The following APP variants were observed in gnomAD, a reference collection of about 807,000 sequenced individuals.
APP encodes amyloid beta precursor protein, also known as amyloid-beta precursor protein.
A neutral mutation model predicts 101.4 loss-of-function variants in APP; 31 were observed. The ratio of observed to expected loss-of-function variants is 0.31; its 90% CI spans 0.23 to 0.41. APP has a LOEUF of 0.41. Ranked by LOEUF, APP falls within the 10% of genes least tolerant of loss-of-function variation. APP has a pLI of 1.00. For missense variants in APP, 839 were observed against 1,003.7 expected, an observed-to-expected ratio of 0.84 and a Z score of 2.22; for synonymous variants, 366 against 364.4, an observed-to-expected ratio of 1.00 and a Z score of -0.05.
At chr21:26,169,214 A>C (rs1413607172) in intron 1 of APP, 1 of 152,290 alleles carries the variant, frequency 6.6e-6, no homozygotes, top group African/African-American at 2.4e-5. Context: ...GACTTGTTAT[A>C]CACCTAGTGG....
intron 13 of APP, among the ~76,000 whole-genome samples, chr21:25,915,353 T>C (rs2039302358): frequency 6.6e-6 from 1 of 152,230 alleles, no homozygotes; most frequent in Admixed American, 6.5e-5. Context: ...CAGGCATTAT[T>C]AATCTGATGG....
At chr21:26,075,720 C>G (rs1035908238) in intron 3 of APP, among the ~76,000 whole-genome samples, 18 of 152,106 alleles carry the variant, frequency 1.2e-4, no homozygotes, top group African/African-American at 4.8e-5. Context: ...TTCTGGACAT[C>G]GAATAAGAGA....
At chr21:25,954,429 T>C (rs1248903374) in intron 13 of APP, among the ~76,000 whole-genome samples, 161 bp downstream of exon 13, 2 of 152,216 alleles carry the variant, frequency 1.3e-5, no homozygotes, top group African/African-American at 4.8e-5. Flanking sequence ...ACTGATTCAA[T>C]TGCTAAGGCT....
intron 1 of APP, among the ~76,000 whole-genome samples, chr21:26,152,284 C>CAAAAAAAAAAAAAAAAAAAA (rs1161739630): frequency 1.9e-4 from 7 of 36,178 alleles, no homozygotes; most frequent in East Asian, 2.1e-3. Flanking sequence ...GACTCCATCT[C>CAAAAAAAAAAAAAAAAAAAA]AAAAAAAAAA....
intron 9 of APP, among the ~76,000 whole-genome samples, chr21:25,979,690 T>C (rs1157077133): frequency 2.6e-5 from 4 of 152,140 alleles, no homozygotes; most frequent in African/African-American, 7.2e-5. Context: ...AGTTAAATTA[T>C]TATTTTAAAG....
Position 25,901,878 on chromosome 21 carries a change from G to C in APP, c.1963+3146C>G, listed in dbSNP as rs543365959. ...CCTTTATTTGGACTGCAGAAGGGTG[G>C]TGATGAATTGTAACAGAAAGGGTAG... On this transcript the variant is annotated intron_variant, in intron 15 of 17. Transcript: ENST00000346798. Among the ~76,000 whole-genome samples the C allele has an allele frequency of 4.6e-5, 7 of 152,296 alleles. No individual in the cohort carries two copies. In the South Asian group the frequency reaches 1.5e-3, roughly 32 times the overall value.
At chr21:26,036,986 GTA>G (rs922822391) in intron 5 of APP, among the ~76,000 whole-genome samples, 7 of 121,714 alleles carry the variant, frequency 5.8e-5, no homozygotes, top group African/African-American at 2.2e-4. Context: ...GTGTGTGTGT[GTA>G]TGTGTGTGTG....
chr21:25,976,146 T>TG (rs1336922431), intron 9 of APP, 118 bp from the exon 10 acceptor site: 1 of 790,948 alleles, frequency 1.3e-6, no homozygotes, highest in Admixed American at 2.1e-5. Flanking sequence ...ATTTAAAAAA[T>TG]TTATTACATA....
At chr21:26,108,000 G>C (rs1395515028) in intron 2 of APP, among the ~76,000 whole-genome samples, 2 of 152,162 alleles carry the variant, frequency 1.3e-5, no homozygotes, top group African/African-American at 4.8e-5. Flanking sequence ...CTTGTTCCCT[G>C]ACTTGCAACA....
At chr21:25,886,010 G>A (rs1198451268) in intron 17 of APP, among the ~76,000 whole-genome samples, 1 of 152,132 alleles carries the variant, frequency 6.6e-6, no homozygotes, top group Non-Finnish European at 1.5e-5. Flanking sequence ...ACAGTAACCA[G>A]CAGGATGTGG....
At chr21:25,935,379 T>G (rs1283697757) in intron 13 of APP, 2 of 152,244 alleles carry the variant, frequency 1.3e-5, no homozygotes, top group Non-Finnish European at 2.9e-5. Flanking sequence ...TAGAATGTTT[T>G]ATGGTATGAG....
At chr21:26,151,451 T>C (rs2063267383) in intron 1 of APP, among the ~76,000 whole-genome samples, 1 of 152,212 alleles carries the variant, frequency 6.6e-6, no homozygotes, top group South Asian at 2.1e-4. Flanking sequence ...CTTTCCTTAT[T>C]TTTGCTAATC....
At chr21:26,063,702 G>GC (rs2046356900) in intron 3 of APP, among the ~76,000 whole-genome samples, 1 of 152,074 alleles carries the variant, frequency 6.6e-6, no homozygotes, top group Admixed American at 6.6e-5. Context: ...TACATAAATA[G>GC]GAAAAAAGAG....
At chr21:26,093,433 A>T (rs545753713) in intron 2 of APP, among the ~76,000 whole-genome samples, 2 of 152,314 alleles carry the variant, frequency 1.3e-5, no homozygotes, top group South Asian at 4.1e-4. Flanking sequence ...GCATATTCAC[A>T]TCATGGTTCC....
At chr21:26,137,360 A>T (rs912616575) in intron 1 of APP, among the ~76,000 whole-genome samples, 1 of 152,182 alleles carries the variant, frequency 6.6e-6, no homozygotes, top group African/African-American at 2.4e-5. Flanking sequence ...GTTCTATCCC[A>T]TCTAAATTTT....
At chr21:26,101,616 A>G (rs1356478980) in intron 2 of APP, among the ~76,000 whole-genome samples, 1 of 152,142 alleles carries the variant, frequency 6.6e-6, no homozygotes, top group Non-Finnish European at 1.5e-5. Flanking sequence ...GCACCTCAGG[A>G]TATCATGAAT....
chr21:25,880,781 C>T lies in APP; in HGVS notation c.*889G>A, dbSNP rs1204107258. ...CGATTATTTAATGTCTGTAGTCATCCTTCAAAGAAAAGTCTTGCCCGGGGT... is the reference window on the plus strand; with the variant it reads ...CGATTATTTAATGTCTGTAGTCATCTTTCAAAGAAAAGTCTTGCCCGGGGT... On this transcript the variant is annotated 3_prime_UTR_variant, in exon 18 of 18. Coordinates refer to ENST00000346798, the MANE Select transcript of APP (RefSeq NM_000484.4). 1 of 152,270 alleles carries T rather than the reference C, an allele frequency of 6.6e-6. No individual in the cohort carries two copies. The allele number at this position is 152,270 out of a possible 1,614,324, so 9.4% of individuals were successfully genotyped here.
intron 1 of APP, among the ~76,000 whole-genome samples, chr21:26,144,167 G>C (rs2063106655): frequency 6.6e-6 from 1 of 152,106 alleles, no homozygotes; most frequent in South Asian, 2.1e-4. Flanking sequence ...ACTATTACCA[G>C]AACAGGATGG....
At chr21:25,970,488 G>C (rs573679276) in intron 11 of APP, among the ~76,000 whole-genome samples, 1 of 152,240 alleles carries the variant, frequency 6.6e-6, no homozygotes, top group Non-Finnish European at 1.5e-5. Context: ...TCTGGCAAAT[G>C]ATCACACGGC....
Sources: allele counts gnomAD v4.1 joint callset (sites outside exome capture counted in the v4.1 genomes callset), GRCh38; gene constraint gnomAD v4.1.1; transcripts MANE v1.5; gene names NCBI Gene and HGNC (gene_info 2026-07-23, HGNC 2026-07-21).